CPNE5: variants seen among roughly 807,000 people sequenced by gnomAD.
CPNE5 encodes copine-5.
CPNE5 carries 42 observed loss-of-function variants against 81.1 expected under a neutral mutation model. The ratio of observed to expected loss-of-function variants is 0.52; its 90% CI spans 0.40 to 0.67. CPNE5 has a LOEUF of 0.67. CPNE5 is among the 30% of genes least tolerant of loss of function. CPNE5 has a pLI of 0.00. For missense variants in CPNE5, 612 were observed against 815.5 expected, an observed-to-expected ratio of 0.75 and a Z score of 3.04; for synonymous variants, 313 against 321.5, an observed-to-expected ratio of 0.97 and a Z score of 0.28.
At chr6:36,786,012 CAAAAAAAA>C (rs36060316) in intron 8 of CPNE5, among the ~76,000 whole-genome samples, 2 of 83,840 alleles carry the variant, frequency 2.4e-5, no homozygotes, top group South Asian at 3.8e-4. Flanking sequence ...GACTCCGTCT[CAAAAAAAA>C]AAAAAAAAAA....
chr6:36,804,165 G>A (rs1226931765), intron 3 of CPNE5, among the ~76,000 whole-genome samples: 1 of 152,144 alleles, frequency 6.6e-6, no homozygotes, highest in East Asian at 1.9e-4. Context: ...CTAAACCCAG[G>A]TATATCTAAC....
chr6:36,834,793 G>T (rs1197267803), intron 1 of CPNE5, among the ~76,000 whole-genome samples: 1 of 152,104 alleles, frequency 6.6e-6, no homozygotes, highest in Admixed American at 6.5e-5. Context: ...GTACCTTAGT[G>T]TATTCAATGG....
chr6:36,816,548 C>T (rs11965906), intron 3 of CPNE5, among the ~76,000 whole-genome samples: 161 of 152,294 alleles, frequency 1.1e-3, no homozygotes, highest in African/African-American at 3.7e-3. Context: ...TATTATTTCT[C>T]GGACAAGATT....
chr6:36,799,667 G>T (rs1407686770), intron 4 of CPNE5, among the ~76,000 whole-genome samples: 5 of 152,190 alleles, frequency 3.3e-5, no homozygotes, highest in Non-Finnish European at 5.9e-5. Flanking sequence ...GCACAGCCAA[G>T]AGTTGCCTTC....
intron 1 of CPNE5, chr6:36,838,903 G>A (rs72846041): frequency 6.0e-4 from 108 of 180,088 alleles, no homozygotes; most frequent in Non-Finnish European, 9.1e-4. Flanking sequence ...TGGGAGGGAT[G>A]GGGGCAAATC....
chr6:36,790,443 T>C (rs34582503), intron 8 of CPNE5, among the ~76,000 whole-genome samples: 7,119 of 152,238 alleles, frequency 0.047, 277 homozygotes, highest in South Asian at 0.16. Flanking sequence ...CTGACAGGGA[T>C]TTCACAACAG....
At chr6:36,838,163 C>A (rs1229619526) in intron 1 of CPNE5, among the ~76,000 whole-genome samples, 2 of 152,330 alleles carry the variant, frequency 1.3e-5, no homozygotes, top group African/African-American at 4.8e-5. Flanking sequence ...TCTACCTACA[C>A]CTCATCAATG....
At chr6:36,822,259 C>A (rs1297460554) in intron 2 of CPNE5, 99 bp from the exon 3 acceptor site, 13 of 993,214 alleles carry the variant, frequency 1.3e-5, no homozygotes, top group Non-Finnish European at 1.7e-5. Flanking sequence ...CCTCAGCAGA[C>A]CCAGCCTGGG....
At chr6:36,815,725 T>C (rs1489011183) in intron 3 of CPNE5, among the ~76,000 whole-genome samples, 1 of 152,214 alleles carries the variant, frequency 6.6e-6, no homozygotes, top group African/African-American at 2.4e-5. Flanking sequence ...CCGAGGAAGA[T>C]CATTCAGAAT....
intron 8 of CPNE5, among the ~76,000 whole-genome samples, chr6:36,789,642 C>A (rs1768909312): frequency 6.6e-6 from 1 of 152,226 alleles, no homozygotes; most frequent in Non-Finnish European, 1.5e-5. Context: ...GGAGCTGCAA[C>A]AGCTCTGTTC....
At chr6:36,807,509 G>T (rs1770701868) in intron 3 of CPNE5, among the ~76,000 whole-genome samples, 1 of 152,180 alleles carries the variant, frequency 6.6e-6, no homozygotes, top group Admixed American at 6.5e-5. Context: ...CCCTAACTCT[G>T]GTTCAGCCAT....
At chr6:36,796,893 C>A (rs1273926898) in intron 6 of CPNE5, among the ~76,000 whole-genome samples, 1 of 152,082 alleles carries the variant, frequency 6.6e-6, no homozygotes, top group Non-Finnish European at 1.5e-5. Flanking sequence ...AGACCACACA[C>A]ACACACATTG....
chr6:36,803,332 A>G (rs186777168), intron 3 of CPNE5, among the ~76,000 whole-genome samples: 1 of 151,286 alleles, frequency 6.6e-6, no homozygotes, highest in Non-Finnish European at 1.5e-5. Context: ...CCAACTCCCC[A>G]CCCCTCCTGT....
At chr6:36,772,596 G>A (rs989839991) in intron 10 of CPNE5, among the ~76,000 whole-genome samples, 1 of 152,220 alleles carries the variant, frequency 6.6e-6, no homozygotes, top group Admixed American at 6.5e-5. Flanking sequence ...CGCACAGCTA[G>A]AGGCGCCACG....
chr6:36,823,334 A>C (rs559073891), intron 1 of CPNE5, among the ~76,000 whole-genome samples: 12 of 152,098 alleles, frequency 7.9e-5, no homozygotes, highest in African/African-American at 2.9e-4. Flanking sequence ...TATCATCACC[A>C]CAAGCACTCC....
chr6:36,748,361 G>T, intron 14 of CPNE5, 94 bp from the exon 15 acceptor site: 1 of 1,115,124 alleles, frequency 9.0e-7, no homozygotes, highest in Non-Finnish European at 1.4e-6. Flanking sequence ...CCCTGGCTCT[G>T]CTGCTTGCCA....
intron 3 of CPNE5, among the ~76,000 whole-genome samples, chr6:36,810,795 C>T (rs1365939923): frequency 6.6e-6 from 1 of 152,154 alleles, no homozygotes; most frequent in Non-Finnish European, 1.5e-5. Flanking sequence ...ACCTTGGCAC[C>T]TTTCGTTTCG....
chr6:36,792,699 C>T (rs543052418), intron 7 of CPNE5, among the ~76,000 whole-genome samples: 1 of 152,154 alleles, frequency 6.6e-6, no homozygotes, highest in African/African-American at 2.4e-5. Flanking sequence ...AAGTGGGCAA[C>T]CAGATCAAGG....
At chr6:36,825,492 C>T (rs1346952731) in intron 1 of CPNE5, among the ~76,000 whole-genome samples, 1 of 152,212 alleles carries the variant, frequency 6.6e-6, no homozygotes, top group Admixed American at 6.5e-5. Flanking sequence ...ACCCCACAGG[C>T]AACCACCTCT....
Sources: allele counts gnomAD v4.1 joint callset (sites outside exome capture counted in the v4.1 genomes callset), GRCh38; gene constraint gnomAD v4.1.1; transcripts MANE v1.5; gene names NCBI Gene and HGNC (gene_info 2026-07-23, HGNC 2026-07-21).